SREK1: variants seen among roughly 807,000 people sequenced by gnomAD.
SREK1 encodes the protein splicing regulatory glutamine/lysine-rich protein 1.
A neutral mutation model predicts 66.5 loss-of-function variants in SREK1; 13 were observed. The observed-to-expected ratio is 0.20, with a 90% CI of 0.13 to 0.31. SREK1 has a LOEUF of 0.31. Ranked by LOEUF, SREK1 falls within the 10% of genes least tolerant of loss-of-function variation. The pLI, the probability that SREK1 is intolerant of heterozygous loss-of-function variation, is 1.00. For missense variants in SREK1, 607 were observed against 769.6 expected (o/e 0.79, Z 2.50); for synonymous variants, 265 against 263.5 (o/e 1.01, Z -0.05).
Position 66,183,021 on chromosome 5 carries a change from A to G in SREK1, c.*4153A>G, listed in dbSNP as rs374012452. ...GTTACAATTAGCTTATATCAGATAT[A>G]ACAGTTCTTAATATAATGTTTATAA... On this transcript the variant is annotated 3_prime_UTR_variant, in exon 12 of 12. Coordinates refer to ENST00000334121, the MANE Select transcript of SREK1 (RefSeq NM_001077199.3). 1.3e-5 allele frequency: 2 copies of G among 152,226 alleles called. No individual in the cohort carries two copies. Among genetic ancestry groups the G allele is most frequent in the South Asian group, 4.1e-4 (2 of 4,834 alleles). 9.4% of individuals were successfully genotyped at this position (152,226 alleles called of 1,614,324 possible).
chr5:66,165,004 T>C, intron 7 of SREK1, 107 bp downstream of exon 7: 2 of 1,045,042 alleles, frequency 1.9e-6, no homozygotes, highest in South Asian at 3.6e-5. Context: ...ATTTTAGTAG[T>C]GTACACCTGA....
chr5:66,151,071 C>T (rs1270373999), intron 1 of SREK1, among the ~76,000 whole-genome samples: 1 of 152,150 alleles, frequency 6.6e-6, no homozygotes, highest in Non-Finnish European at 1.5e-5. Flanking sequence ...AAACTCCTGA[C>T]ATCAGGTGAT....
intron 5 of SREK1, chr5:66,162,861 CT>C: frequency 7.4e-6 from 2 of 269,896 alleles, no homozygotes; most frequent in East Asian, 7.0e-5. Context: ...GGTTGTAGGT[CT>C]TTTTCCATAA....
At chr5:66,158,862 G>A (rs888553824) in intron 2 of SREK1, 5 of 1,292,192 alleles carry the variant, frequency 3.9e-6, no homozygotes, top group Non-Finnish European at 5.0e-6. Context: ...CGATCACCGC[G>A]AAAACACCGT....
In SREK1 at chr5:66,164,972, G is replaced by A. The variant is rs576966627; in HGVS notation, c.1001+75G>A. On this transcript the variant is annotated intron_variant, in intron 7 of 11. Transcript: ENST00000334121. ...AAATATTAAGATTTTATGAGTTTTC[G>A]TCAAAATATCAGAAGTTAGAAATTT... 46 of 1,403,060 alleles carry A rather than the reference G, an allele frequency of 3.3e-5. 1 individual carries two copies. Among genetic ancestry groups the A allele is most frequent in the African/African-American group, 1.6e-4 (11 of 68,526 alleles). 86.9% of individuals were successfully genotyped at this position (1,403,060 alleles called of 1,614,324 possible). A position where few individuals can be genotyped will look rare whatever the true frequency, so the allele number is the denominator to read the frequency against.
At chr5:66,158,721 T>G in intron 2 of SREK1, 1 of 1,131,896 alleles carries the variant, frequency 8.8e-7, no homozygotes, top group South Asian at 1.4e-5. Flanking sequence ...TTTCTTTTTT[T>G]TGACTAATTT....
At chr5:66,175,386 C>T (rs1384410559) in intron 10 of SREK1, among the ~76,000 whole-genome samples, 1 of 152,140 alleles carries the variant, frequency 6.6e-6, no homozygotes, top group Non-Finnish European at 1.5e-5. Context: ...ACCAGGAAGT[C>T]TTTTTGTCAC....
rs554903780 is a variant in SREK1, at chr5:66,157,655, A to G, written c.296-1564A>G. On this transcript the variant is annotated intron_variant, in intron 2 of 11. Transcript: ENST00000334121. ...TTATTTGATGTTTTCAGTAAGGCCTACCTGCCTTTTGTTGATGCATGTTAA... is the reference window on the plus strand; with the variant it reads ...TTATTTGATGTTTTCAGTAAGGCCTGCCTGCCTTTTGTTGATGCATGTTAA... 6.2e-6 allele frequency: 6 copies of G among 969,548 alleles called. No homozygotes were observed. The African/African-American group carries it at 8.8e-5, about 14-fold the overall frequency. The allele number at this position is 969,548 out of a possible 1,614,324, so 60.1% of individuals were successfully genotyped here.
chr5:66,178,426 C>G (rs1018999606), intron 11 of SREK1, among the ~76,000 whole-genome samples: 1 of 152,010 alleles, frequency 6.6e-6, no homozygotes, highest in Non-Finnish European at 1.5e-5. Context: ...AATTATTTCA[C>G]TCTTTCAATA....
intron 3 of SREK1, among the ~76,000 whole-genome samples, chr5:66,161,327 C>T (rs1035236331): frequency 5.0e-4 from 76 of 152,262 alleles, no homozygotes; most frequent in African/African-American, 1.6e-3. Flanking sequence ...ACAGTTGGAG[C>T]ACTTTTGTGG....
At chr5:66,153,354 A>G (rs1744011619) in intron 1 of SREK1, 109 bp from the exon 2 acceptor site, 2 of 1,399,212 alleles carry the variant, frequency 1.4e-6, no homozygotes, top group East Asian at 4.6e-5. Flanking sequence ...AAAGTTTTAA[A>G]GTCTTAATTT....
At chr5:66,162,716 T>C (rs1744867686) in intron 5 of SREK1, 124 bp downstream of exon 5, 2 of 879,626 alleles carry the variant, frequency 2.3e-6, no homozygotes, top group African/African-American at 3.4e-5. Context: ...AGACTTTGTG[T>C]TAAGTATAAA....
intron 8 of SREK1, 22 bp downstream of exon 8, chr5:66,170,192 A>G: frequency 6.3e-7 from 1 of 1,597,838 alleles, no homozygotes; most frequent in Non-Finnish European, 8.5e-7. Context: ...AGAAATTAAC[A>G]ATAATTTTTT....
chr5:66,156,380 T>C (rs1054889666), intron 2 of SREK1: 1 of 1,187,302 alleles, frequency 8.4e-7, no homozygotes, highest in Non-Finnish European at 1.0e-6. Context: ...TTGCAAATTA[T>C]ATTGGGAGAT....
At position 66,152,925 on chromosome 5, in the gene SREK1, T is replaced by C. The variant is rs183443784; in HGVS notation, c.162-538T>C. ...TTGTTGCCTATAAAATATGTAAGATTTTGTTTGTAAAATCTTTTGTCTGGA... is the reference window on the plus strand; with the variant it reads ...TTGTTGCCTATAAAATATGTAAGATCTTGTTTGTAAAATCTTTTGTCTGGA... On this transcript the variant is annotated intron_variant, in intron 1 of 11. Transcript: ENST00000334121. Among the ~76,000 whole-genome samples, 3 of 152,272 alleles carry C rather than the reference T, an allele frequency of 2.0e-5. No homozygotes were observed. In the East Asian group the frequency reaches 5.8e-4, roughly 29 times the overall value.
chr5:66,171,343 C>A (rs1353312480), intron 9 of SREK1, among the ~76,000 whole-genome samples: 3 of 152,050 alleles, frequency 2.0e-5, no homozygotes, highest in South Asian at 2.1e-4. Flanking sequence ...GCAGTGTTAG[C>A]CCTCTTTGTC....
chr5:66,153,647 A>G, intron 2 of SREK1, 51 bp downstream of exon 2: 1 of 1,611,680 alleles, frequency 6.2e-7, no homozygotes, highest in Non-Finnish European at 8.5e-7. Context: ...CCTGTCTGTT[A>G]TTGCCTTTAG....
Position 66,174,964 on chromosome 5 carries a change from G to T in SREK1, c.1503G>T (p.Arg501Ser). 1 of 1,612,992 alleles carries T rather than the reference G, an allele frequency of 6.2e-7. No homozygotes were observed. Among genetic ancestry groups the T allele is most frequent in the South Asian group, 1.1e-5 (1 of 90,868 alleles). The change falls in exon 10 of 12, where the codon AGG (arginine) becomes AGT (serine). Residue 501 changes from arginine (R) to serine (S), a missense_variant. Arg to Ser is a moderately radical substitution (Grantham distance 110). Transcript: ENST00000334121. ...TTTTCAGGGAAAGGCGTAGGAGGAG[G>T]AGCAGGAGTTCTTCCAGATCGCCAA... ...RSSSRERRRRRSRSSSRSPRT... is the reference protein window; with the variant it reads ...RSSSRERRRRSSRSSSRSPRT...
At chr5:66,155,003 A>G (rs1399117128) in intron 2 of SREK1, among the ~76,000 whole-genome samples, 1 of 152,210 alleles carries the variant, frequency 6.6e-6, no homozygotes, top group African/African-American at 2.4e-5. Context: ...AATACCACCA[A>G]TAACACTGGG....
Sources: gnomAD v4.1 joint callset for allele counts (sites outside exome capture counted in the v4.1 genomes callset) on GRCh38, gnomAD v4.1.1 for gene constraint, MANE v1.5 for transcripts, NCBI Gene and HGNC (gene_info 2026-07-23, HGNC 2026-07-21) for gene names.